SLC25A21: variants seen among roughly 807,000 people sequenced by gnomAD.
SLC25A21 encodes the protein solute carrier family 25 member 21.
SLC25A21 carries 47 observed loss-of-function variants against 43.8 expected under a neutral mutation model. The observed-to-expected ratio is 1.07, with a 90% CI of 0.85 to 1.37. The LOEUF is 1.37. Ranked by LOEUF, SLC25A21 falls within the 40% of genes most tolerant of loss-of-function variation. The pLI is 0.00. For missense variants in SLC25A21, 352 were observed against 350.2 expected (o/e 1.00, Z -0.04); for synonymous variants, 131 against 121.3 (o/e 1.08, Z -0.52).
chr14:37,081,160 A>C (rs1311284506), intron 1 of SLC25A21, among the ~76,000 whole-genome samples: 1 of 152,148 alleles, frequency 6.6e-6, no homozygotes, highest in African/African-American at 2.4e-5. Flanking sequence ...AACTCTTCTC[A>C]ACTTTATTTG....
intron 1 of SLC25A21, among the ~76,000 whole-genome samples, chr14:37,064,719 G>A (rs1962024896): frequency 6.6e-6 from 1 of 152,062 alleles, no homozygotes; most frequent in African/African-American, 2.4e-5. Context: ...CTCTCAATTG[G>A]TTTACTGTAC....
chr14:36,690,366 G>T (rs928880004), intron 7 of SLC25A21, among the ~76,000 whole-genome samples: 2 of 152,030 alleles, frequency 1.3e-5, no homozygotes. Context: ...TATGAGTTAG[G>T]CATATAACAC....
intron 3 of SLC25A21, among the ~76,000 whole-genome samples, chr14:36,742,090 C>G (rs1179798380): frequency 6.6e-6 from 1 of 152,182 alleles, no homozygotes; most frequent in Non-Finnish European, 1.5e-5. Context: ...CTTGAGTCAT[C>G]TGTTCTGGCA....
intron 1 of SLC25A21, among the ~76,000 whole-genome samples, chr14:36,995,658 G>A (rs1960356270): frequency 6.6e-6 from 1 of 152,144 alleles, no homozygotes; most frequent in African/African-American, 2.4e-5. Context: ...ACACTTTAAA[G>A]CTTGTAAAAC....
At chr14:37,105,828 G>T (rs11620965) in intron 1 of SLC25A21, among the ~76,000 whole-genome samples, 79,603 of 151,856 alleles carry the variant, frequency 0.52, 23,831 homozygotes, top group Non-Finnish European at 0.66. Flanking sequence ...TAGCCAAAAT[G>T]CTTCCAAGAT....
chr14:36,930,728 T>C (rs771379217), intron 1 of SLC25A21, among the ~76,000 whole-genome samples: 52 of 152,116 alleles, frequency 3.4e-4, no homozygotes, highest in Non-Finnish European at 7.2e-4. Flanking sequence ...CACTAACTGT[T>C]ACAATGAAGT....
At chr14:37,014,104 T>C (rs10136164) in intron 1 of SLC25A21, among the ~76,000 whole-genome samples, 70,708 of 151,908 alleles carry the variant, frequency 0.47, 19,414 homozygotes, top group African/African-American at 0.78. Flanking sequence ...GAAGGCAAGG[T>C]CCCAACTGAT....
chr14:37,163,023 C>T (rs1169506679), intron 1 of SLC25A21, among the ~76,000 whole-genome samples: 5 of 151,762 alleles, frequency 3.3e-5, no homozygotes, highest in Non-Finnish European at 7.4e-5. Context: ...TCATCATTCT[C>T]AGTAAACTAT....
chr14:37,058,936 C>T (rs749978840), intron 1 of SLC25A21, among the ~76,000 whole-genome samples: 1 of 152,212 alleles, frequency 6.6e-6, no homozygotes, highest in Non-Finnish European at 1.5e-5. Flanking sequence ...CCTCAAACTC[C>T]TCCCTTAAGA....
At chr14:36,921,847 T>C (rs543346043) in intron 1 of SLC25A21, among the ~76,000 whole-genome samples, 1 of 152,208 alleles carries the variant, frequency 6.6e-6, no homozygotes, top group Admixed American at 6.5e-5. Context: ...AAAGTTGCTT[T>C]AAAAATTACA....
intron 1 of SLC25A21, among the ~76,000 whole-genome samples, chr14:36,944,138 T>G (rs1187171502): frequency 1.3e-5 from 2 of 151,968 alleles, no homozygotes; most frequent in Non-Finnish European, 2.9e-5. Flanking sequence ...TACTGAAGAG[T>G]GACCAGAGGT....
At chr14:37,166,460 T>C (rs1385205317) in intron 1 of SLC25A21, among the ~76,000 whole-genome samples, 1 of 152,204 alleles carries the variant, frequency 6.6e-6, no homozygotes, top group Non-Finnish European at 1.5e-5. Flanking sequence ...TGGTTGCATG[T>C]ATGTGCAACT....
intron 1 of SLC25A21, among the ~76,000 whole-genome samples, chr14:36,997,566 T>C (rs1213042492): frequency 1.3e-5 from 2 of 152,184 alleles, no homozygotes; most frequent in African/African-American, 4.8e-5. Flanking sequence ...CAATGGCTCA[T>C]GCCTGTAATC....
At chr14:37,154,978 C>T (rs997569164) in intron 1 of SLC25A21, among the ~76,000 whole-genome samples, 1 of 152,046 alleles carries the variant, frequency 6.6e-6, no homozygotes, top group African/African-American at 2.4e-5. Context: ...AATTCTGGAC[C>T]TGAAGAATTC....
intron 3 of SLC25A21, among the ~76,000 whole-genome samples, chr14:36,789,986 TA>T (rs1289431596): frequency 1.5e-5 from 2 of 133,116 alleles, no homozygotes; most frequent in African/African-American, 5.8e-5. Context: ...AAAATATATA[TA>T]TATTTTTCCT....
intron 1 of SLC25A21, among the ~76,000 whole-genome samples, chr14:37,169,316 T>C (rs1485251119): frequency 3.9e-5 from 6 of 152,080 alleles, no homozygotes; most frequent in Admixed American, 1.3e-4. Flanking sequence ...AAAGGTGTAG[T>C]AGTAATACTT....
chr14:37,077,416 T>C (rs1465626264), intron 1 of SLC25A21, among the ~76,000 whole-genome samples: 1 of 152,170 alleles, frequency 6.6e-6, no homozygotes, highest in Non-Finnish European at 1.5e-5. Flanking sequence ...TGTCTATCCC[T>C]TTACTTGACT....
intron 1 of SLC25A21, among the ~76,000 whole-genome samples, chr14:37,059,239 CA>C (rs1190028717): frequency 6.6e-6 from 1 of 152,146 alleles, no homozygotes; most frequent in Non-Finnish European, 1.5e-5. Flanking sequence ...CCCTTACACC[CA>C]TCCTATGAAG....
At chr14:36,732,144 A>T (rs147559540) in intron 4 of SLC25A21, among the ~76,000 whole-genome samples, 244 of 151,434 alleles carry the variant, frequency 1.6e-3, no homozygotes, top group Middle Eastern at 6.8e-3. Context: ...CTCTATGTAT[A>T]TTTCTTTGTT....
Sources: allele counts gnomAD v4.1 joint callset (sites outside exome capture counted in the v4.1 genomes callset), GRCh38; gene constraint gnomAD v4.1.1; transcripts MANE v1.5; gene names NCBI Gene and HGNC (gene_info 2026-07-23, HGNC 2026-07-21).